The following EMC7 variants were observed in gnomAD, a reference collection of about 807,000 sequenced individuals.
EMC7 encodes the protein endoplasmic reticulum membrane protein complex subunit 7.
EMC7 carries 4 observed loss-of-function variants against 24.4 expected under a neutral mutation model. The observed-to-expected ratio is 0.16, with a 90% confidence interval of 0.08 to 0.38. The LOEUF (loss-of-function observed/expected upper bound fraction) is 0.38, where lower values mean the gene tolerates loss of function less well. Ranked by LOEUF, EMC7 falls within the 10% of genes least tolerant of loss-of-function variation. The pLI is 1.00. For synonymous variants in EMC7, 106 were observed against 112.0 expected (o/e 0.95, Z 0.34); for missense variants, 221 against 300.6 (o/e 0.74, Z 1.96).
rs974862101 is a variant in EMC7, at chr15:34,097,408, T to A, written c.237-1394A>T. On this transcript the variant is annotated intron_variant, in intron 1 of 4. Transcript: ENST00000256545. ...TTCTATTTGCTATAAATAATTCCCA[T>A]TTACTTTGGTTACTAGAAGCTTAAA... is the stretch of plus-strand genomic sequence containing the variant. 1.3e-5 allele frequency among the ~76,000 whole-genome samples: 2 copies of A among 152,300 alleles called. 1 individual carries two copies. Among genetic ancestry groups the A allele is most frequent in the South Asian group, 4.1e-4 (2 of 4,826 alleles).
rs753095506 is a variant in EMC7 at position 34,093,823 on chromosome 15, ATTTTTT to A, written c.356+2066_356+2071del. Among the ~76,000 whole-genome samples, 48 of 48,704 alleles carry A rather than the reference ATTTTTT, an allele frequency of 9.9e-4. 4 individuals are homozygous for A. In the East Asian group the frequency reaches 0.018, roughly 18 times the overall value. 32.0% of individuals were successfully genotyped at this position (48,704 alleles called of 152,430 possible). A position where few individuals can be genotyped will look rare whatever the true frequency, so the allele number is the denominator to read the frequency against. On this transcript the variant is annotated intron_variant, in intron 2 of 4. Coordinates refer to ENST00000256545, the MANE Select transcript of EMC7 (RefSeq NM_020154.3). Reference sequence around the variant, plus strand: ...CACACACACATATATATATATATATATTTTTTTTTTTTTTTTTTTTGAGACAGGATC... The same window carrying A: ...CACACACACATATATATATATATATATTTTTTTTTTTTTTGAGACAGGATC...
chr15:34,086,257 A>C, intron 4 of EMC7: 2 of 306,966 alleles, frequency 6.5e-6, no homozygotes, highest in Non-Finnish European at 6.3e-6. Flanking sequence ...TGCCAGATAA[A>C]CCTCTTAGTT....
Position 34,084,253 on chromosome 15 carries a change from G to C in EMC7, c.*81C>G, listed in dbSNP as rs1900838076. ...GTCGGGATGACTCAAGTTTATAGTA[G>C]TTGCTTCACACGGTTTTCCAAGACT... On this transcript the variant is annotated 3_prime_UTR_variant, in exon 5 of 5. Transcript: ENST00000256545. 1.3e-6 allele frequency: 2 copies of C among 1,520,188 alleles called. No individual in the cohort carries two copies. Among genetic ancestry groups the C allele is most frequent in the Admixed American group, 2.0e-5 (1 of 50,136 alleles). The allele number at this position is 1,520,188 out of a possible 1,614,324, so 94.2% of individuals were successfully genotyped here.
At chr15:34,093,849 A>G (rs1901021858) in intron 2 of EMC7, among the ~76,000 whole-genome samples, 1 of 89,160 alleles carries the variant, frequency 1.1e-5, no homozygotes. Context: ...TTTTTGAGAC[A>G]GGATCTTGCT....
rs1901181568 is a variant in EMC7 at position 34,101,853 on chromosome 15, C to A, written c.-14G>T. On this transcript the variant is annotated 5_prime_UTR_variant, in exon 1 of 5. Coordinates refer to ENST00000256545, the MANE Select transcript of EMC7 (RefSeq NM_020154.3). ...AGCGGCCGCCATGACAGCAGCTCTG[C>A]ACTCAGACCGGCAGCCCCGGAAGCC... The A allele has an allele frequency of 1.3e-6, 2 of 1,571,572 alleles. No individual in the cohort carries two copies. The highest frequency in any genetic ancestry group is 8.6e-7 in the Non-Finnish European group (1 of 1,162,826).
intron 2 of EMC7, among the ~76,000 whole-genome samples, chr15:34,091,264 C>T (rs1457187407): frequency 6.6e-6 from 1 of 152,048 alleles, no homozygotes; most frequent in Non-Finnish European, 1.5e-5. Flanking sequence ...TTTAAATATA[C>T]ATTAAATTAT....
intron 4 of EMC7, chr15:34,086,323 G>A: frequency 4.2e-6 from 1 of 239,260 alleles, no homozygotes; most frequent in South Asian, 6.1e-5. Flanking sequence ...ATGATGCCAA[G>A]TAGGAGATGG....
intron 2 of EMC7, among the ~76,000 whole-genome samples, chr15:34,092,683 T>C (rs2140869564): frequency 6.6e-6 from 1 of 152,228 alleles, no homozygotes; most frequent in African/African-American, 2.4e-5. Context: ...AAATAATTTT[T>C]TCTTTTTTTT....
At chr15:34,098,914 CAT>C (rs71884335) in intron 1 of EMC7, among the ~76,000 whole-genome samples, 26,743 of 151,872 alleles carry the variant, frequency 0.18, 2,617 homozygotes, top group Middle Eastern at 0.27. Context: ...AGAAAAATAA[CAT>C]AAAGTTTGCA....
chr15:34,092,297 A>C (rs976632190), intron 2 of EMC7, among the ~76,000 whole-genome samples: 2 of 151,998 alleles, frequency 1.3e-5, no homozygotes, highest in Admixed American at 1.3e-4. Context: ...ACACACAAAG[A>C]ATTAGGATCT....
At chr15:34,087,637 G>A (rs923639824) in intron 4 of EMC7, among the ~76,000 whole-genome samples, 1 of 152,206 alleles carries the variant, frequency 6.6e-6, no homozygotes, top group African/African-American at 2.4e-5. Flanking sequence ...GGCACACAAA[G>A]AGGCTAGGAT....
At chr15:34,095,435 T>C (rs1356894753) in intron 2 of EMC7, among the ~76,000 whole-genome samples, 1 of 152,220 alleles carries the variant, frequency 6.6e-6, no homozygotes, top group African/African-American at 2.4e-5. Context: ...AATACTATAT[T>C]TCCATTGAAC....
intron 4 of EMC7, 42 bp from the exon 5 acceptor site, chr15:34,084,528 G>A (rs749557014): frequency 1.9e-6 from 3 of 1,588,084 alleles, no homozygotes; most frequent in East Asian, 2.3e-5. Flanking sequence ...GATCCTTCGA[G>A]TCTTTTAACT....
At chr15:34,091,394 T>TAAAG (rs1567502473) in intron 2 of EMC7, among the ~76,000 whole-genome samples, 1 of 152,182 alleles carries the variant, frequency 6.6e-6, no homozygotes, top group Non-Finnish European at 1.5e-5. Context: ...TTATTTACCT[T>TAAAG]TATTTAAGTA....
chr15:34,095,047 G>A (rs920629367), intron 2 of EMC7, among the ~76,000 whole-genome samples: 1 of 152,174 alleles, frequency 6.6e-6, no homozygotes, highest in Non-Finnish European at 1.5e-5. Flanking sequence ...GTCTCTACAA[G>A]TCAGTCTAAA....
At position 34,097,039 on chromosome 15, in the gene EMC7, C is replaced by CTTTTTTTTTTTTTTTTTTT. The variant is rs553769836; in HGVS notation, c.237-1026_237-1025insAAAAAAAAAAAAAAAAAAA. ...CAATTTTTGGTTTTCTGTTCTTCTT[C>CTTTTTTTTTTTTTTTTTTT]TTTTTTTTTTTTGAGACGGAGTCTC... On this transcript the variant is annotated intron_variant, in intron 1 of 4. Coordinates refer to ENST00000256545, the MANE Select transcript of EMC7 (RefSeq NM_020154.3). Among the ~76,000 whole-genome samples, 50 of 97,612 alleles carry CTTTTTTTTTTTTTTTTTTT rather than the reference C, an allele frequency of 5.1e-4. 3 individuals carry two copies. The highest frequency in any genetic ancestry group is 1.1e-3 in the African/African-American group (27 of 24,992). 64.0% of individuals were successfully genotyped at this position (97,612 alleles called of 152,430 possible).
chr15:34,084,372 T>C lies in EMC7; in HGVS notation c.691A>G (p.Ser231Gly), dbSNP rs1191053949. The C allele has an allele frequency of 2.2e-5, 35 of 1,613,806 alleles. No homozygotes were observed. Among genetic ancestry groups the C allele is most frequent in the Non-Finnish European group, 2.9e-5 (34 of 1,179,732 alleles). The change falls in exon 5 of 5, where the codon AGT (serine) becomes GGT (glycine). Residue 231 changes from serine (S) to glycine (G), a missense_variant. Around this residue, in one of 2 missense-constraint regions of EMC7, gnomAD observed 65 missense variants for 123.4 expected, o/e 0.53. Coordinates refer to ENST00000256545, the MANE Select transcript of EMC7 (RefSeq NM_020154.3). ...CCAGCCCCACTTTTGCCTGTTTTAC[T>C]GCTGCCGCTGCTAGATTTGCCAGAT... Reference protein sequence around the residue: ...KSSGKSSSGSSKTGKSGAGKR... With the variant: ...KSSGKSSSGSGKTGKSGAGKR...
At chr15:34,088,417 AGT>A in intron 3 of EMC7, among the ~76,000 whole-genome samples, 1 of 150,940 alleles carries the variant, frequency 6.6e-6, no homozygotes, top group Middle Eastern at 3.5e-3. Flanking sequence ...CTTTTTGCAG[AGT>A]TACAGTGTTA....
Position 34,084,288 on chromosome 15 carries a change from C to T in EMC7, c.*46G>A. The T allele has an allele frequency of 3.8e-6, 6 of 1,580,524 alleles. No individual in the cohort carries two copies. Among genetic ancestry groups the T allele is most frequent in the Non-Finnish European group, 5.2e-6 (6 of 1,158,732 alleles). ...ACGGTTTTCCAAGACTTGGATGCCA[C>T]CCAGTGTTGCCGTGTTTGTGCAAAT... On this transcript the variant is annotated 3_prime_UTR_variant, in exon 5 of 5. Transcript: ENST00000256545.
Sources: gnomAD v4.1 joint callset for allele counts (sites outside exome capture counted in the v4.1 genomes callset) on GRCh38, gnomAD v4.1.1 for gene constraint, gnomAD v4.1.1 regional missense constraint, MANE v1.5 for transcripts, NCBI Gene and HGNC (gene_info 2026-07-23, HGNC 2026-07-21) for gene names.